Variants in ASIC2 observed in about 807,000 individuals in gnomAD.
ASIC2 encodes the protein acid-sensing ion channel 2.
ASIC2 carries 25 observed loss-of-function variants against 57.3 expected under a neutral mutation model. That is an observed-to-expected ratio of 0.44 (90% CI 0.32 to 0.61). The LOEUF is 0.61. Among genes scored for constraint, ASIC2 ranks in the 20% least tolerant of loss-of-function variants. ASIC2 has a pLI of 0.06. For synonymous variants in ASIC2, 319 were observed against 307.5 expected, an observed-to-expected ratio of 1.04 and a Z score of -0.39; for missense variants, 641 against 738.1, an observed-to-expected ratio of 0.87 and a Z score of 1.52.
At chr17:33,849,274 C>T (rs185871372) in intron 1 of ASIC2, among the ~76,000 whole-genome samples, 36 of 152,296 alleles carry the variant, frequency 2.4e-4, no homozygotes, top group African/African-American at 8.4e-4. Context: ...AGGGGAAGAG[C>T]AAGCATGAAG....
intron 1 of ASIC2, among the ~76,000 whole-genome samples, chr17:33,688,571 C>A (rs1205292698): frequency 6.6e-6 from 1 of 152,008 alleles, no homozygotes; most frequent in Non-Finnish European, 1.5e-5. Context: ...CAGCAGGGAA[C>A]AAAGCGACTG....
At chr17:33,072,749 C>T (rs973748753) in intron 3 of ASIC2, among the ~76,000 whole-genome samples, 1 of 152,164 alleles carries the variant, frequency 6.6e-6, no homozygotes, top group African/African-American at 2.4e-5. Context: ...GGACCTCTGT[C>T]CTAGACTCTA....
At chr17:33,503,688 C>G (rs185417342) in intron 1 of ASIC2, among the ~76,000 whole-genome samples, 1 of 152,248 alleles carries the variant, frequency 6.6e-6, no homozygotes, top group East Asian at 1.9e-4. Flanking sequence ...GGAAAAGGAC[C>G]AGAAGGCAGT....
intron 1 of ASIC2, among the ~76,000 whole-genome samples, chr17:34,067,737 C>CT: frequency 6.6e-6 from 1 of 152,132 alleles, no homozygotes; most frequent in Non-Finnish European, 1.5e-5. Flanking sequence ...ATGAGGAAAT[C>CT]TTTAAATGGC....
At chr17:33,323,385 T>C (rs1906945693) in intron 1 of ASIC2, among the ~76,000 whole-genome samples, 1 of 152,098 alleles carries the variant, frequency 6.6e-6, no homozygotes, top group Non-Finnish European at 1.5e-5. Flanking sequence ...GGCAACAATA[T>C]GGAAGAGTCT....
chr17:33,166,183 T>G (rs981363657), intron 1 of ASIC2, among the ~76,000 whole-genome samples: 1 of 152,210 alleles, frequency 6.6e-6, no homozygotes, highest in Non-Finnish European at 1.5e-5. Context: ...GCTCTAATCT[T>G]TTATTTCTTC....
intron 1 of ASIC2, among the ~76,000 whole-genome samples, chr17:33,405,621 T>C (rs1910446687): frequency 6.6e-6 from 1 of 151,824 alleles, no homozygotes; most frequent in Non-Finnish European, 1.5e-5. Flanking sequence ...GTAGCTGGGA[T>C]TACAGGCGCC....
intron 3 of ASIC2, among the ~76,000 whole-genome samples, chr17:33,066,328 G>A (rs1038026353): frequency 2.6e-5 from 4 of 152,152 alleles, no homozygotes; most frequent in Non-Finnish European, 4.4e-5. Context: ...AAACTCTGGC[G>A]TGCATGGTGT....
Position 33,507,961 on chromosome 17 carries a change from T to G in ASIC2, c.556-395894A>C, listed in dbSNP as rs541590392. 7.2e-5 allele frequency among the ~76,000 whole-genome samples: 11 copies of G among 152,296 alleles called. No homozygotes were observed. The South Asian group carries it at 2.1e-3, about 29-fold the overall frequency. ...GGGATTGTATAAAAATATGCCATAG[T>G]CTGAATAGTGTCCCAAATCAGAGGG... On this transcript the variant is annotated intron_variant, in intron 1 of 9. Transcript: ENST00000359872.
At chr17:33,103,005 G>T (rs758402486) in intron 2 of ASIC2, among the ~76,000 whole-genome samples, 1 of 152,134 alleles carries the variant, frequency 6.6e-6, no homozygotes, top group Non-Finnish European at 1.5e-5. Context: ...GGATGGTCTT[G>T]ATCTCCTGAC....
At chr17:33,742,557 T>A (rs1235164410) in intron 1 of ASIC2, among the ~76,000 whole-genome samples, 1 of 152,114 alleles carries the variant, frequency 6.6e-6, no homozygotes, top group Admixed American at 6.5e-5. Flanking sequence ...ACAGAGTAAA[T>A]CTCAATAAAG....
chr17:33,625,200 C>CATCTATCT (rs144550506), intron 1 of ASIC2, among the ~76,000 whole-genome samples: 32 of 151,190 alleles, frequency 2.1e-4, no homozygotes, highest in Admixed American at 5.9e-4. Context: ...TATTATCTGT[C>CATCTATCT]ATCTATCTAT....
rs191058281 is a variant in ASIC2 at position 33,169,899 on chromosome 17, T to C, written c.709-57832A>G. Among the ~76,000 whole-genome samples, 349 of 152,352 alleles carry C rather than the reference T, an allele frequency of 2.3e-3. 5 individuals are homozygous for C. Among genetic ancestry groups the C allele is most frequent in the Middle Eastern group, 0.01 (3 of 294 alleles). ...TCCACTGTAATAACACCTTTAGGAATGATATTCTTTGTAGCCTTGGGTGGG... is the reference window on the plus strand; with the variant it reads ...TCCACTGTAATAACACCTTTAGGAACGATATTCTTTGTAGCCTTGGGTGGG... On this transcript the variant is annotated intron_variant, in intron 1 of 9. Transcript: ENST00000225823.
At chr17:33,989,173 G>T (rs1441222962) in intron 1 of ASIC2, among the ~76,000 whole-genome samples, 1 of 152,070 alleles carries the variant, frequency 6.6e-6, no homozygotes, top group Non-Finnish European at 1.5e-5. Flanking sequence ...TCACACCAGT[G>T]AAGGGTAAAG....
rs79873556 is a variant in ASIC2 at position 33,425,752 on chromosome 17, G to A, written c.556-313685C>T. Among the ~76,000 whole-genome samples, 913 of 152,266 alleles carry A rather than the reference G, an allele frequency of 6.0e-3. 35 individuals carry two copies. In the East Asian group the frequency reaches 0.095, roughly 16 times the overall value. On this transcript the variant is annotated intron_variant, in intron 1 of 9. Coordinates refer to the ASIC2 transcript ENST00000359872. ...ATTTGAGTCTCCATGGTGTCCTTGC[G>A]TGGCTATTAGGGATGAATCTGGCTG...
At chr17:33,016,465 G>T (rs888333177) in intron 8 of ASIC2, among the ~76,000 whole-genome samples, 1 of 152,150 alleles carries the variant, frequency 6.6e-6, no homozygotes, top group Non-Finnish European at 1.5e-5. Context: ...ACCAGGACAT[G>T]CCTGAGTTCA....
At chr17:33,059,206 C>T (rs889877412) in intron 3 of ASIC2, among the ~76,000 whole-genome samples, 13 of 152,180 alleles carry the variant, frequency 8.5e-5, no homozygotes, top group African/African-American at 2.4e-4. Context: ...ATGTGCACAA[C>T]GTGCAGGTTT....
rs1486368046 is a variant in ASIC2 at position 33,299,370 on chromosome 17, C to G, written c.556-187303G>C. On this transcript the variant is annotated intron_variant, in intron 1 of 9. Transcript: ENST00000359872. ...ATGTCCAGGAGTCATGATGGGGACA[C>G]CTGTACTGGTGGAAGGAGAGAGAGG... 2.0e-5 allele frequency among the ~76,000 whole-genome samples: 3 copies of G among 152,284 alleles called. No homozygotes were observed. The East Asian group carries it at 5.8e-4, about 29-fold the overall frequency.
At chr17:33,025,894 C>T in intron 5 of ASIC2, 32 bp downstream of exon 5, 1 of 1,572,482 alleles carries the variant, frequency 6.4e-7, no homozygotes, top group Non-Finnish European at 8.6e-7. Flanking sequence ...GCCCCCGGCC[C>T]CCATGATTCC....
Sources: allele counts gnomAD v4.1 joint callset (sites outside exome capture counted in the v4.1 genomes callset), GRCh38; gene constraint gnomAD v4.1.1; transcripts MANE v1.5; gene names NCBI Gene and HGNC (gene_info 2026-07-23, HGNC 2026-07-21).